MYOF: variants seen among roughly 807,000 people sequenced by gnomAD.
MYOF encodes fer-1-like 3, myoferlin.
A neutral mutation model predicts 284.2 loss-of-function variants in MYOF; 244 were observed. The observed-to-expected ratio is 0.86, with a 90% CI of 0.77 to 0.95. The LOEUF (loss-of-function observed/expected upper bound fraction) is 0.95, where lower values mean the gene tolerates loss of function less well. MYOF is among the 40% of genes least tolerant of loss of function. The pLI, the probability that MYOF is intolerant of heterozygous loss-of-function variation, is 0.00. For synonymous variants in MYOF, 904 were observed against 919.7 expected (o/e 0.98, Z 0.31); for missense variants, 2,496 against 2,560.6 (o/e 0.97, Z 0.54).
At chr10:93,404,336 G>A in intron 7 of MYOF, 117 bp from the exon 8 acceptor site, 1 of 1,043,492 alleles carries the variant, frequency 9.6e-7, no homozygotes, top group South Asian at 1.5e-5. Flanking sequence ...TCAAAATTAG[G>A]TTTGACCATG....
At chr10:93,355,832 T>C (rs1844774770) in intron 30 of MYOF, 96 bp from the exon 31 acceptor site, 1 of 850,890 alleles carries the variant, frequency 1.2e-6, no homozygotes, top group Admixed American at 2.0e-5. Context: ...CAAATGGAAT[T>C]CTAGCTTTTT....
chr10:93,442,215 T>TTGATATAAG (rs2056288539), intron 3 of MYOF, among the ~76,000 whole-genome samples: 1 of 152,216 alleles, frequency 6.6e-6, no homozygotes, highest in South Asian at 2.1e-4. Context: ...GGACTCATAG[T>TTGATATAAG]TGATATAAGG....
intron 1 of MYOF, among the ~76,000 whole-genome samples, chr10:93,457,158 G>T (rs2056764312): frequency 6.6e-6 from 1 of 152,178 alleles, no homozygotes; most frequent in Non-Finnish European, 1.5e-5. Flanking sequence ...TGGAGTTAAG[G>T]GATGTGATGT....
chr10:93,417,310 C>A (rs1848174578), intron 5 of MYOF, among the ~76,000 whole-genome samples: 1 of 152,188 alleles, frequency 6.6e-6, no homozygotes, highest in Non-Finnish European at 1.5e-5. Context: ...AAATGGTTCT[C>A]CATCATAGCT....
chr10:93,481,635 A>G (rs2057382991), intron 1 of MYOF, among the ~76,000 whole-genome samples: 1 of 152,202 alleles, frequency 6.6e-6, no homozygotes, highest in Non-Finnish European at 1.5e-5. Flanking sequence ...CAATAAAACT[A>G]TGAACTTCAC....
At chr10:93,340,041 C>G in intron 39 of MYOF, 112 bp downstream of exon 39, 2 of 1,186,314 alleles carry the variant, frequency 1.7e-6, no homozygotes, top group South Asian at 2.6e-5. Context: ...GATCGCGCCA[C>G]TGCACTCCAG....
chr10:93,448,019 C>G (rs1410674881), intron 3 of MYOF, among the ~76,000 whole-genome samples: 1 of 152,154 alleles, frequency 6.6e-6, no homozygotes, highest in Non-Finnish European at 1.5e-5. Flanking sequence ...AAATCCAAAG[C>G]CCGTGCCTTG....
At chr10:93,341,401 GA>G (rs1564632427) in intron 38 of MYOF, among the ~76,000 whole-genome samples, 2 of 151,510 alleles carry the variant, frequency 1.3e-5, no homozygotes, top group African/African-American at 2.4e-5. Flanking sequence ...TCAGCCTCCC[GA>G]GTAGCTGGGA....
chr10:93,307,468 T>G (rs1308351024), intron 53 of MYOF, among the ~76,000 whole-genome samples: 2 of 151,716 alleles, frequency 1.3e-5, no homozygotes, highest in Non-Finnish European at 1.5e-5. Context: ...GCCCAGCTAA[T>G]TTTTTATATT....
chr10:93,339,216 T>C (rs1219670559), intron 39 of MYOF, among the ~76,000 whole-genome samples: 5 of 152,098 alleles, frequency 3.3e-5, no homozygotes, highest in Non-Finnish European at 7.4e-5. Context: ...TTTCACCATA[T>C]TGGCCAGGCT....
intron 46 of MYOF, 29 bp downstream of exon 46, chr10:93,325,797 T>C (rs1843017116): frequency 6.3e-7 from 1 of 1,593,294 alleles, no homozygotes. Flanking sequence ...GCAGGGATAA[T>C]GGTCTTCAAG....
intron 3 of MYOF, among the ~76,000 whole-genome samples, chr10:93,442,041 C>CACACACACACACACACAG (rs57700900): frequency 7.0e-6 from 1 of 142,628 alleles, no homozygotes; most frequent in Non-Finnish European, 1.5e-5. Context: ...CACACACACA[C>CACACACACACACACACAG]AGAATAAACC....
At position 93,426,558 on chromosome 10, in the gene MYOF, T is replaced by G. The variant is rs181829419; in HGVS notation, c.346-400A>C. On this transcript the variant is annotated intron_variant, in intron 4 of 53. Coordinates refer to ENST00000359263, the MANE Select transcript of MYOF (RefSeq NM_013451.4). ...TGTTTGCTCATTGCTTATTTCATTA[T>G]GAATTGCTGAGATTTATTTTCATGC... is the stretch of plus-strand genomic sequence containing the variant. 2.8e-4 allele frequency among the ~76,000 whole-genome samples: 43 copies of G among 152,360 alleles called. 1 individual carries two copies. Among genetic ancestry groups the G allele is most frequent in the Admixed American group, 2.5e-3 (38 of 15,304 alleles).
intron 19 of MYOF, among the ~76,000 whole-genome samples, chr10:93,383,554 C>T (rs1846223392): frequency 6.6e-6 from 1 of 152,132 alleles, no homozygotes; most frequent in South Asian, 2.1e-4. Flanking sequence ...CTTAACTACC[C>T]ACAGCGAAGC....
At chr10:93,382,119 G>A (rs1846150765) in intron 19 of MYOF, among the ~76,000 whole-genome samples, 2 of 152,146 alleles carry the variant, frequency 1.3e-5, no homozygotes, top group Non-Finnish European at 2.9e-5. Flanking sequence ...AAGGTCTGGA[G>A]GAATATAACT....
chr10:93,426,354 G>A (rs1273713965), intron 4 of MYOF, among the ~76,000 whole-genome samples, 196 bp from the exon 5 acceptor site: 2 of 152,096 alleles, frequency 1.3e-5, no homozygotes, highest in Non-Finnish European at 2.9e-5. Flanking sequence ...AAGGCAGGGT[G>A]GGGAAGTAGC....
intron 7 of MYOF, among the ~76,000 whole-genome samples, chr10:93,406,295 T>TAAC (rs1214363972): frequency 1.1e-5 from 1 of 88,348 alleles, no homozygotes; most frequent in Admixed American, 1.3e-4. Flanking sequence ...CTTTTATATA[T>TAAC]ATATATATAT....
chr10:93,331,396 C>A (rs548900028), intron 43 of MYOF, among the ~76,000 whole-genome samples: 3 of 152,182 alleles, frequency 2.0e-5, no homozygotes, highest in Admixed American at 2.0e-4. Flanking sequence ...CCGAGCAGAG[C>A]CTACAGCACC....
intron 1 of MYOF, among the ~76,000 whole-genome samples, chr10:93,462,313 G>C (rs971160863): frequency 6.6e-6 from 1 of 151,984 alleles, no homozygotes; most frequent in African/African-American, 2.4e-5. Context: ...CAAGTGATCC[G>C]CTCACCTCGG....
Sources: allele counts gnomAD v4.1 joint callset (sites outside exome capture counted in the v4.1 genomes callset), GRCh38; gene constraint gnomAD v4.1.1; transcripts MANE v1.5; gene names NCBI Gene and HGNC (gene_info 2026-07-23, HGNC 2026-07-21).